The following COL25A1 variants were observed in gnomAD, a reference collection of about 807,000 sequenced individuals.
The protein encoded by COL25A1 is collagen type XXV alpha 1 chain.
Under a neutral mutation model 128.4 loss-of-function variants are expected in COL25A1, and 103 were observed. The ratio of observed to expected loss-of-function variants is 0.80; its 90% CI spans 0.68 to 0.94. The LOEUF is 0.94. Ranked by LOEUF, COL25A1 falls within the 40% of genes least tolerant of loss-of-function variation. The probability of loss-of-function intolerance (pLI) is 0.00; values close to 1 mark genes in which losing one functional copy is unlikely to be tolerated. For missense variants in COL25A1, 745 were observed against 840.0 expected (o/e 0.89, Z 1.40); for synonymous variants, 279 against 277.2 (o/e 1.01, Z -0.06).
intron 3 of COL25A1, among the ~76,000 whole-genome samples, chr4:109,197,026 C>T (rs756802342): frequency 3.8e-4 from 58 of 151,942 alleles, no homozygotes; most frequent in Non-Finnish European, 7.9e-4. Flanking sequence ...TATGTAAAGT[C>T]ACAGGACAGG....
chr4:109,052,698 A>G (rs187409056), intron 3 of COL25A1, among the ~76,000 whole-genome samples: 1 of 152,336 alleles, frequency 6.6e-6, no homozygotes, highest in African/African-American at 2.4e-5. Flanking sequence ...CTGTGCAGAT[A>G]AGATAATTTG....
intron 8 of COL25A1, among the ~76,000 whole-genome samples, chr4:108,961,142 CAG>C (rs944150928): frequency 3.3e-5 from 5 of 152,236 alleles, no homozygotes; most frequent in Admixed American, 3.3e-4. Flanking sequence ...TAACAGGAAT[CAG>C]AGTATAAACA....
At position 108,860,965 on chromosome 4, in the gene COL25A1, G is replaced by A. The variant is rs202116700; in HGVS notation, c.1204C>T (p.Arg402Cys). Reference sequence around the variant, plus strand: ...GCTCCAGAGTCCCCTTTTTCTCCACGATCCCCCTTTTCCCGTTGGAAAGAG... The same window carrying A: ...GCTCCAGAGTCCCCTTTTTCTCCACAATCCCCCTTTTCCCGTTGGAAAGAG... ...TRGPKGSKGDRGEKGDSGAQG... is the reference protein window; with the variant it reads ...TRGPKGSKGDCGEKGDSGAQG... The change falls in exon 23 of 38, where the codon CGT becomes TGT. Residue 402 changes from arginine (R) to cysteine (C), a missense_variant. By Grantham distance (180) the Arg-to-Cys change is radical. Around this residue, in one of 3 missense-constraint regions of COL25A1, gnomAD observed 387 missense variants for 441.9 expected, o/e 0.88. Coordinates refer to ENST00000399132, the MANE Select transcript of COL25A1 (RefSeq NM_198721.4). 235 of 1,613,416 alleles carry A rather than the reference G, an allele frequency of 1.5e-4. No individual in the cohort carries two copies. Among genetic ancestry groups the A allele is most frequent in the Middle Eastern group, 3.3e-4 (2 of 6,052 alleles).
At chr4:108,886,139 C>T (rs1245532117) in intron 18 of COL25A1, among the ~76,000 whole-genome samples, 2 of 152,224 alleles carry the variant, frequency 1.3e-5, no homozygotes, top group South Asian at 2.1e-4. Context: ...TGAACAGATA[C>T]TTAGAAATTC....
intron 3 of COL25A1, among the ~76,000 whole-genome samples, chr4:109,224,706 G>A (rs575941279): frequency 2.0e-5 from 3 of 152,228 alleles, no homozygotes; most frequent in South Asian, 4.2e-4. Flanking sequence ...TTGGGAGTCC[G>A]AAGTGGGTGG....
intron 3 of COL25A1, among the ~76,000 whole-genome samples, chr4:109,129,349 G>A (rs1265949236): frequency 2.0e-5 from 3 of 151,772 alleles, no homozygotes; most frequent in Non-Finnish European, 2.9e-5. Context: ...GGCTGGTCTC[G>A]AACTCCTGAC....
At chr4:108,964,427 T>C (rs569352417) in intron 8 of COL25A1, among the ~76,000 whole-genome samples, 1 of 135,222 alleles carries the variant, frequency 7.4e-6, no homozygotes, top group South Asian at 2.7e-4. Context: ...ATATATTTTG[T>C]ATAAAAGTTT....
At position 108,940,592 on chromosome 4, in the gene COL25A1, C is replaced by T. The variant is rs1468255389; in HGVS notation, c.619G>A (p.Gly207Arg). The T allele has an allele frequency of 1.2e-6, 2 of 1,612,730 alleles. No individual in the cohort carries two copies. The highest frequency in any genetic ancestry group is 1.1e-5 in the South Asian group (1 of 90,848). ...TCTTTCCCTGTGTCCCCAGGTGGCC[C>T]TCTTGGGCCTGGAGGGCCAGGGGGT... ...PGPPGPPGPR[G>R]PPGDTGKDGP... The change falls in exon 10 of 38, where the codon GGG becomes AGG. Residue 207 changes from glycine (G) to arginine (R), a missense_variant. Coordinates refer to ENST00000399132, the MANE Select transcript of COL25A1 (RefSeq NM_198721.4).
intron 14 of COL25A1, among the ~76,000 whole-genome samples, chr4:108,899,628 C>T (rs1578702392): frequency 6.6e-6 from 1 of 152,004 alleles, no homozygotes; most frequent in East Asian, 1.9e-4. Context: ...GTCTAGGGTG[C>T]CAGGGTAGTT....
chr4:108,815,152 G>T (rs907995366), intron 37 of COL25A1, among the ~76,000 whole-genome samples: 1 of 152,088 alleles, frequency 6.6e-6, no homozygotes, highest in East Asian at 1.9e-4. Context: ...TTTAAAAAAA[G>T]ATCAAATAGT....
intron 3 of COL25A1, among the ~76,000 whole-genome samples, chr4:109,244,555 A>G (rs539661216): frequency 3.6e-4 from 55 of 152,170 alleles, no homozygotes; most frequent in Admixed American, 9.2e-4. Flanking sequence ...CCTGAGAATA[A>G]TTATGAGGGC....
At chr4:108,943,692 C>T (rs1188550856) in intron 8 of COL25A1, among the ~76,000 whole-genome samples, 2 of 152,120 alleles carry the variant, frequency 1.3e-5, no homozygotes, top group Non-Finnish European at 2.9e-5. Context: ...TTTAGACACT[C>T]GTTCTTCAAT....
At position 109,215,186 on chromosome 4, in the gene COL25A1, AT is replaced by A. The variant is rs756114055; in HGVS notation, c.367+85396del. ...GGAAATCAGGGTAACAAGTTAGGTC[AT>A]TTTTTAGGTGAGCTACTTAGCAAAC... On this transcript the variant is annotated intron_variant, in intron 3 of 37. Transcript: ENST00000399132. Among the ~76,000 whole-genome samples, 5 of 152,288 alleles carry A rather than the reference AT, an allele frequency of 3.3e-5. No homozygotes were observed. In the East Asian group the frequency reaches 5.8e-4, roughly 18 times the overall value.
At chr4:109,202,095 T>C (rs1776599302) in intron 3 of COL25A1, among the ~76,000 whole-genome samples, 1 of 152,104 alleles carries the variant, frequency 6.6e-6, no homozygotes, top group Admixed American at 6.5e-5. Context: ...TCCCAGCAAG[T>C]TATTTTGTGA....
chr4:108,809,703 T>A lies in COL25A1; in HGVS notation c.*4224A>T, dbSNP rs1730647732. 1 of 152,092 alleles carries A rather than the reference T, an allele frequency of 6.6e-6. No homozygotes were observed. The highest frequency in any genetic ancestry group is 1.5e-5 in the Non-Finnish European group (1 of 67,926). The allele number at this position is 152,092 out of a possible 1,614,324, so 9.4% of individuals were successfully genotyped here. A position where few individuals can be genotyped will look rare whatever the true frequency, so the allele number is the denominator to read the frequency against. Reference sequence around the variant, plus strand: ...AAGTTAGAGGAGTGTCTCTGCTGTGTCAATTTTATATTGGCAACAAATCTA... The same window carrying A: ...AAGTTAGAGGAGTGTCTCTGCTGTGACAATTTTATATTGGCAACAAATCTA... On this transcript the variant is annotated 3_prime_UTR_variant, in exon 38 of 38. Transcript: ENST00000399132.
chr4:109,012,847 G>A (rs567438769), intron 5 of COL25A1, among the ~76,000 whole-genome samples: 1 of 152,214 alleles, frequency 6.6e-6, no homozygotes, highest in Non-Finnish European at 1.5e-5. Context: ...CCCAAGGGCT[G>A]AGGAGTGCAG....
chr4:108,901,342 G>T (rs1367796459), intron 13 of COL25A1, among the ~76,000 whole-genome samples, 170 bp from the exon 14 acceptor site: 1 of 152,064 alleles, frequency 6.6e-6, no homozygotes, highest in East Asian at 1.9e-4. Context: ...GCATGTAATG[G>T]AGCAAGGATA....
At chr4:109,111,914 T>G (rs1381760171) in intron 3 of COL25A1, among the ~76,000 whole-genome samples, 1 of 152,134 alleles carries the variant, frequency 6.6e-6, no homozygotes, top group Non-Finnish European at 1.5e-5. Flanking sequence ...TCAATAGCAT[T>G]TTTCTCCAGT....
chr4:108,962,195 CT>C (rs113330555), intron 8 of COL25A1, among the ~76,000 whole-genome samples: 7 of 77,704 alleles, frequency 9.0e-5, no homozygotes, highest in Admixed American at 2.3e-4. Context: ...CTTTTTTTTT[CT>C]TTTTTTTTTG....
Sources: gnomAD v4.1 joint callset for allele counts (sites outside exome capture counted in the v4.1 genomes callset) on GRCh38, gnomAD v4.1.1 for gene constraint, gnomAD v4.1.1 regional missense constraint, MANE v1.5 for transcripts, NCBI Gene and HGNC (gene_info 2026-07-23, HGNC 2026-07-21) for gene names.